The following GABRA3 variants were observed in gnomAD, a reference collection of about 807,000 sequenced individuals.
The protein encoded by GABRA3 is gamma-aminobutyric acid receptor subunit alpha-3.
In GABRA3, 10 loss-of-function variants were observed where a neutral mutation model predicts 30.1. The observed-to-expected ratio is 0.33, with a 90% confidence interval of 0.20 to 0.56. GABRA3 has a LOEUF of 0.56. Among genes scored for constraint, GABRA3 ranks in the 20% least tolerant of loss-of-function variants. The pLI is 0.89. For missense variants in GABRA3, 233 were observed against 392.0 expected (o/e 0.59, Z 3.42); for synonymous variants, 151 against 146.8 (o/e 1.03, Z -0.21).
intron 6 of GABRA3, among the ~76,000 whole-genome samples, chrX:152,221,599 T>C (rs924718130): frequency 1.8e-5 from 2 of 112,212 alleles, no homozygotes; most frequent in Admixed American, 9.5e-5. Flanking sequence ...ATATGATTTC[T>C]TGAGTATTTG....
chrX:152,198,478 A>G (rs1294985248), intron 7 of GABRA3, among the ~76,000 whole-genome samples: 1 of 112,298 alleles, frequency 8.9e-6, no homozygotes, highest in East Asian at 2.8e-4. Flanking sequence ...TATCCTCCTA[A>G]CAGTTCTGTG....
intron 1 of GABRA3, among the ~76,000 whole-genome samples, chrX:152,415,663 C>T (rs1223108182): frequency 9.0e-6 from 1 of 111,192 alleles, no homozygotes; most frequent in Non-Finnish European, 1.9e-5. Context: ...TTAATGAAGT[C>T]TATGGCATAG....
rs772260540 is a variant in GABRA3, at chrX:152,198,330, C to G, written c.779-545G>C. 4.5e-5 allele frequency among the ~76,000 whole-genome samples: 5 copies of G among 112,278 alleles called. No individual in the cohort carries two copies. The East Asian group carries it at 1.4e-3, about 32-fold the overall frequency. ...ATGCTCCGCTGTTCTAATGTACTTA[C>G]TTGGTTAGACCCAAAAGTTCACATA... On this transcript the variant is annotated intron_variant, in intron 7 of 9. Transcript: ENST00000370314.
At chrX:152,218,835 C>T (rs945775780) in intron 6 of GABRA3, among the ~76,000 whole-genome samples, 4 of 110,863 alleles carry the variant, frequency 3.6e-5, no homozygotes, top group East Asian at 2.9e-4. Flanking sequence ...TGTTAATTTC[C>T]GGAGTTTGGA....
At chrX:152,428,966 G>A (rs1430422228) in intron 1 of GABRA3, among the ~76,000 whole-genome samples, 1 of 111,413 alleles carries the variant, frequency 9.0e-6, no homozygotes, top group Admixed American at 9.6e-5. Context: ...AATGTGGAAA[G>A]CAAAGAAAGA....
chrX:152,244,728 C>T (rs1047091341), intron 5 of GABRA3, among the ~76,000 whole-genome samples: 1 of 111,455 alleles, frequency 9.0e-6, no homozygotes, highest in Admixed American at 9.6e-5. Flanking sequence ...ATTACTTTAC[C>T]CTTCTAATGC....
At chrX:152,249,420 T>A (rs1243411544) in intron 5 of GABRA3, among the ~76,000 whole-genome samples, 1 of 111,370 alleles carries the variant, frequency 9.0e-6, no homozygotes, top group Non-Finnish European at 1.9e-5. Flanking sequence ...TAACAAATAG[T>A]AGGTGTTCAA....
chrX:152,228,424 C>A (rs1323735918), intron 5 of GABRA3, among the ~76,000 whole-genome samples: 1 of 111,430 alleles, frequency 9.0e-6, no homozygotes, highest in Non-Finnish European at 1.9e-5. Context: ...GAAATCACTA[C>A]CTTTGCATCC....
intron 2 of GABRA3, among the ~76,000 whole-genome samples, chrX:152,354,906 T>A (rs1187357236): frequency 8.9e-6 from 1 of 111,991 alleles, no homozygotes; most frequent in Non-Finnish European, 1.9e-5. Flanking sequence ...ATTGATTCTT[T>A]AATAGAAATT....
chrX:152,322,554 A>G (rs1252105905), intron 3 of GABRA3, among the ~76,000 whole-genome samples: 1 of 105,958 alleles, frequency 9.4e-6, no homozygotes, highest in Admixed American at 1.0e-4. Context: ...TTTTTTTGAG[A>G]TGGAGTTTTG....
At chrX:152,450,367 A>T (rs774000525) in intron 1 of GABRA3, among the ~76,000 whole-genome samples, 1 of 106,020 alleles carries the variant, frequency 9.4e-6, no homozygotes. Context: ...TGGACTTAAC[A>T]TGATGCCTAT....
chrX:152,222,406 G>T (rs767541002), intron 6 of GABRA3, among the ~76,000 whole-genome samples: 1 of 106,530 alleles, frequency 9.4e-6, no homozygotes, highest in East Asian at 3.0e-4. Flanking sequence ...TTCTTTATAG[G>T]TTCCAATTTT....
chrX:152,394,416 C>T (rs755212183), intron 1 of GABRA3: 10 of 385,109 alleles, frequency 2.6e-5, no homozygotes, highest in Non-Finnish European at 4.7e-5. Context: ...CAAAAGTAGA[C>T]ACCATAGCAC....
At chrX:152,239,517 G>A (rs1341176781) in intron 5 of GABRA3, among the ~76,000 whole-genome samples, 1 of 92,429 alleles carries the variant, frequency 1.1e-5, no homozygotes, top group Non-Finnish European at 2.1e-5. Flanking sequence ...GGTCCACTTG[G>A]TGCAGAGCTG....
chrX:152,367,832 C>T (rs1361893702), intron 1 of GABRA3, among the ~76,000 whole-genome samples: 1 of 111,950 alleles, frequency 8.9e-6, no homozygotes, highest in African/African-American at 3.3e-5. Context: ...TCCATTTGCT[C>T]TGATTAAAAC....
At chrX:152,375,328 C>G (rs1401642430) in intron 1 of GABRA3, among the ~76,000 whole-genome samples, 2 of 111,888 alleles carry the variant, frequency 1.8e-5, no homozygotes, top group Non-Finnish European at 3.8e-5. Flanking sequence ...GTTATTTGAT[C>G]TGCACAATCT....
intron 3 of GABRA3, among the ~76,000 whole-genome samples, chrX:152,316,250 G>C (rs953018748): frequency 5.5e-5 from 6 of 110,014 alleles, no homozygotes; most frequent in African/African-American, 2.0e-4. Context: ...AAAAGCAGAA[G>C]AAAGCACTTC....
chrX:152,285,341 G>T (rs1273576053), intron 3 of GABRA3, among the ~76,000 whole-genome samples: 1 of 111,976 alleles, frequency 8.9e-6, no homozygotes, highest in Non-Finnish European at 1.9e-5. Context: ...ATCCACAATA[G>T]ACTTTGCATG....
chrX:152,200,586 C>A (rs1937470454), intron 7 of GABRA3, among the ~76,000 whole-genome samples: 1 of 110,350 alleles, frequency 9.1e-6, no homozygotes, highest in African/African-American at 3.3e-5. Context: ...TTCACTCTCT[C>A]CCCACTGAGA....
Sources: allele counts gnomAD v4.1 joint callset (sites outside exome capture counted in the v4.1 genomes callset), GRCh38; gene constraint gnomAD v4.1.1; transcripts MANE v1.5; gene names NCBI Gene and HGNC (gene_info 2026-07-23, HGNC 2026-07-21).